Variants in AOAH observed in about 807,000 individuals in gnomAD.
AOAH encodes acyloxyacyl hydrolase.
Under a neutral mutation model 92.2 loss-of-function variants are expected in AOAH, and 64 were observed. That is an observed-to-expected ratio of 0.69 (90% CI 0.57 to 0.86). AOAH has a LOEUF of 0.86. Ranked by LOEUF, AOAH falls within the 40% of genes least tolerant of loss-of-function variation. The probability of loss-of-function intolerance (pLI) is 0.00; values close to 1 mark genes in which losing one functional copy is unlikely to be tolerated. For synonymous variants in AOAH, 263 were observed against 254.5 expected (o/e 1.03, Z -0.32); for missense variants, 656 against 694.6 (o/e 0.94, Z 0.62).
chr7:36,653,109 A>G (rs1794682471), intron 4 of AOAH, among the ~76,000 whole-genome samples: 1 of 152,216 alleles, frequency 6.6e-6, no homozygotes, highest in Non-Finnish European at 1.5e-5. Flanking sequence ...TATTACCAAA[A>G]AACGTTTATT....
intron 3 of AOAH, among the ~76,000 whole-genome samples, chr7:36,665,828 C>T (rs1750683841): frequency 6.6e-6 from 1 of 151,756 alleles, no homozygotes; most frequent in African/African-American, 2.4e-5. Context: ...TCTTTTTGAG[C>T]CTGTTGATAC....
chr7:36,576,862 G>C lies in AOAH; in HGVS notation c.939-206C>G, dbSNP rs117618221. On this transcript the variant is annotated intron_variant, in intron 12 of 20. Transcript: ENST00000617537. ...AGTTCTATGAAATTGAGTTGTATGG[G>C]TGTCGTAAGAATACTGTTGAAGACA... 3.7e-3 allele frequency among the ~76,000 whole-genome samples: 570 copies of C among 152,236 alleles called. 3 individuals carry two copies. The highest frequency in any genetic ancestry group is 0.02 in the Middle Eastern group (6 of 294).
chr7:36,564,213 T>G (rs1054611804), intron 13 of AOAH, among the ~76,000 whole-genome samples: 6 of 152,178 alleles, frequency 3.9e-5, no homozygotes, highest in Admixed American at 3.9e-4. Flanking sequence ...GGCTCTCAGC[T>G]CAAATTTTAA....
At chr7:36,558,594 C>T (rs1786999588) in intron 13 of AOAH, among the ~76,000 whole-genome samples, 1 of 152,258 alleles carries the variant, frequency 6.6e-6, no homozygotes, top group Admixed American at 6.5e-5. Context: ...CCTACAGAGG[C>T]CAGCAGGCCT....
chr7:36,649,411 G>T (rs918610650), intron 4 of AOAH, among the ~76,000 whole-genome samples: 1 of 152,118 alleles, frequency 6.6e-6, no homozygotes, highest in Non-Finnish European at 1.5e-5. Flanking sequence ...GGATTTCCTA[G>T]GCCAACTAAG....
intron 1 of AOAH, among the ~76,000 whole-genome samples, chr7:36,707,895 A>G (rs1798527760): frequency 6.6e-6 from 1 of 151,622 alleles, no homozygotes; most frequent in Non-Finnish European, 1.5e-5. Context: ...TCTGTTTCCC[A>G]GGCTCAAGAG....
At chr7:36,517,156 G>GCCTTTCTTTCTTTCTTTCTT (rs1783770424) in intron 20 of AOAH, among the ~76,000 whole-genome samples, 1 of 95,432 alleles carries the variant, frequency 1.0e-5, no homozygotes, top group South Asian at 3.7e-4. Context: ...ATCCATGTTA[G>GCCTTTCTTTCTTTCTTTCTT]TCTTTCTTTC....
At chr7:36,661,721 T>A (rs1486591272) in intron 3 of AOAH, among the ~76,000 whole-genome samples, 1 of 152,182 alleles carries the variant, frequency 6.6e-6, no homozygotes, top group East Asian at 1.9e-4. Context: ...TGAGCACTCC[T>A]GGGTTAGAAT....
chr7:36,530,284 G>C (rs1284245338), intron 19 of AOAH, 134 bp downstream of exon 19: 2 of 625,998 alleles, frequency 3.2e-6, no homozygotes, highest in African/African-American at 1.8e-5. Flanking sequence ...AGAGCTATTA[G>C]TGTGTCAGAA....
intron 3 of AOAH, among the ~76,000 whole-genome samples, chr7:36,662,369 G>C (rs976451298): frequency 3.9e-5 from 6 of 152,206 alleles, no homozygotes. Context: ...GTCCCTTCAA[G>C]GGAAGTCAGG....
At chr7:36,667,331 A>G (rs540032237) in intron 3 of AOAH, among the ~76,000 whole-genome samples, 15 of 152,314 alleles carry the variant, frequency 9.8e-5, no homozygotes, top group South Asian at 8.3e-4. Flanking sequence ...TACACTATCT[A>G]CTTGTCAGTC....
At chr7:36,632,479 A>G (rs539342359) in intron 5 of AOAH, among the ~76,000 whole-genome samples, 1 of 152,356 alleles carries the variant, frequency 6.6e-6, no homozygotes, top group East Asian at 1.9e-4. Flanking sequence ...TTATGGAAAT[A>G]AAAACTAAAG....
At chr7:36,522,210 G>T in intron 19 of AOAH, 95 bp from the exon 20 acceptor site, 1 of 1,184,410 alleles carries the variant, frequency 8.4e-7, no homozygotes. Context: ...ATGCCCTCCC[G>T]GGCCCATGTT....
rs186614373 is a variant in AOAH, at chr7:36,679,850, G to A, written c.224-5841C>T. ...TTTTTGTATTTTTAGTAGAGATGGG[G>A]TTTCACCACGTTGGCCAGGATGGTC... On this transcript the variant is annotated intron_variant, in intron 2 of 20. Coordinates refer to ENST00000617537, the MANE Select transcript of AOAH (RefSeq NM_001637.4). Among the ~76,000 whole-genome samples the A allele has an allele frequency of 4.6e-5, 7 of 152,086 alleles. No homozygotes were observed. In the East Asian group the frequency reaches 1.4e-3, roughly 29 times the overall value.
chr7:36,691,424 C>T (rs1193899085), intron 1 of AOAH, among the ~76,000 whole-genome samples: 4 of 152,196 alleles, frequency 2.6e-5, no homozygotes, highest in African/African-American at 7.2e-5. Context: ...TGGCACACAA[C>T]GCCGGTGTGA....
chr7:36,554,035 G>A (rs547184108), intron 13 of AOAH, among the ~76,000 whole-genome samples: 2 of 152,276 alleles, frequency 1.3e-5, no homozygotes, highest in Admixed American at 6.5e-5. Context: ...TGCTTTTGGT[G>A]TTTTAGACAT....
In AOAH at chr7:36,621,724, C is replaced by T. The variant is rs1261026190; in HGVS notation, c.639G>A (p.Val213=). 1.9e-6 allele frequency: 3 copies of T among 1,614,000 alleles called. No homozygotes were observed. The highest frequency in any genetic ancestry group is 2.7e-5 in the African/African-American group (2 of 74,924). The change falls in exon 8 of 21, where the codon GTG becomes GTA. Residue 213 remains valine (V), a synonymous_variant. Transcript: ENST00000617537. The part of the protein sequence containing the change: ...GRDCNDSDES[V]YPGRRPNNWD... ...GAAATAGTTACCTTCTACCTGGGTA[C>T]ACTGACTCGTCGCTGTCATTACAGT... is the stretch of plus-strand genomic sequence containing the variant.
intron 11 of AOAH, among the ~76,000 whole-genome samples, chr7:36,612,750 T>A (rs1791551975): frequency 6.6e-6 from 1 of 152,230 alleles, no homozygotes; most frequent in African/African-American, 2.4e-5. Flanking sequence ...TCTTTATCAC[T>A]TTTAACCTTT....
At chr7:36,645,672 A>G (rs538974040) in intron 4 of AOAH, among the ~76,000 whole-genome samples, 1 of 152,290 alleles carries the variant, frequency 6.6e-6, no homozygotes, top group African/African-American at 2.4e-5. Flanking sequence ...AGCTCTATCA[A>G]AGCCTAATTT....
Sources: gnomAD v4.1 joint callset for allele counts (sites outside exome capture counted in the v4.1 genomes callset) on GRCh38, gnomAD v4.1.1 for gene constraint, MANE v1.5 for transcripts, NCBI Gene and HGNC (gene_info 2026-07-23, HGNC 2026-07-21) for gene names.